Variants in C3orf85 observed in about 807,000 individuals in gnomAD.
The protein encoded by C3orf85 is chromosome 3 open reading frame 85, also known as uncharacterized protein C3orf85.
A neutral mutation model predicts 1.7 loss-of-function variants in C3orf85; 1 was observed. The ratio of observed to expected loss-of-function variants is 0.60; its 90% CI spans 0.21 to 2.86. The LOEUF (loss-of-function observed/expected upper bound fraction) is 2.86. C3orf85 is among the 30% of genes most tolerant of loss of function. The pLI is 0.22. For missense variants in C3orf85, 29 were observed against 21.3 expected (o/e 1.36, Z -0.72); for synonymous variants, 17 against 8.0 (o/e 2.13, Z -1.90).
At chr3:109,145,814 T>A (rs1259639663) in intron 2 of C3orf85, among the ~76,000 whole-genome samples, 1 of 152,188 alleles carries the variant, frequency 6.6e-6, no homozygotes, top group Non-Finnish European at 1.5e-5. Flanking sequence ...TCTGACCACA[T>A]CTACACCACA....
chr3:109,148,429 TTAAA>T, intron 3 of C3orf85, 43 bp downstream of exon 3: 2 of 701,948 alleles, frequency 2.8e-6, no homozygotes, highest in South Asian at 3.0e-5. Context: ...ATTTATCTTT[TTAAA>T]TAGTCATTGC....
chr3:109,137,637 G>GTGTGTATATATATATATATATATATA (rs751674362), intron 2 of C3orf85, among the ~76,000 whole-genome samples: 23 of 79,896 alleles, frequency 2.9e-4, no homozygotes, highest in East Asian at 8.9e-4. Context: ...GTGTGTGTGT[G>GTGTGTATATATATATATATATATATA]TATATATATA....
At chr3:109,147,054 C>T (rs1345629928) in intron 2 of C3orf85, among the ~76,000 whole-genome samples, 2 of 152,104 alleles carry the variant, frequency 1.3e-5, no homozygotes, top group Admixed American at 6.5e-5. Flanking sequence ...GATACTGAAA[C>T]ACATCATTCC....
rs1706866255 is a variant in C3orf85, at chr3:109,151,335, A to G, written c.*1441A>G. 6.6e-6 allele frequency among the ~76,000 whole-genome samples: 1 copy of G among 152,222 alleles called. No individual in the cohort carries two copies. The highest frequency in any genetic ancestry group is 2.1e-4 in the South Asian group (1 of 4,836). On this transcript the variant is annotated 3_prime_UTR_variant, in exon 4 of 4. Coordinates refer to ENST00000622536, the MANE Select transcript of C3orf85 (RefSeq NM_001351622.2). ...TCTCCAGAGAAACAGAACCAATAGG[A>G]TATGTATATATAGAGATGCTCCTCA...
In C3orf85 at chr3:109,140,404, G is replaced by T. The variant is rs555762567; in HGVS notation, c.49+3508G>T. On this transcript the variant is annotated intron_variant, in intron 2 of 3. Transcript: ENST00000622536. ...AGGTTCCTACACAGGAACAGGAAGG[G>T]CCAGGCCCCTCCCCGCTGCAAACGG... Among the ~76,000 whole-genome samples the T allele has an allele frequency of 6.0e-4, 91 of 152,232 alleles. 3 individuals carry two copies. The South Asian group carries it at 0.019, about 32-fold the overall frequency.
At chr3:109,137,070 CTGTGTGTG>C (rs3054419) in intron 2 of C3orf85, among the ~76,000 whole-genome samples, 174 bp downstream of exon 2, 11 of 149,776 alleles carry the variant, frequency 7.3e-5, no homozygotes, top group South Asian at 6.4e-4. Flanking sequence ...TTAATGTTAA[CTGTGTGTG>C]TGTGTGTGTG....
rs1417164199 is a variant in C3orf85, at chr3:109,151,081, T to A, written c.*1187T>A. 6.6e-6 allele frequency among the ~76,000 whole-genome samples: 1 copy of A among 152,212 alleles called. No homozygotes were observed. Among genetic ancestry groups the A allele is most frequent in the Non-Finnish European group, 1.5e-5 (1 of 68,032 alleles). On this transcript the variant is annotated 3_prime_UTR_variant, in exon 4 of 4. Transcript: ENST00000622536. Reference sequence around the variant, plus strand: ...AGAAATTTAAGGCTAATTTATAACTTATTAAGTTAACTGCTATCCATTTCC... The same window carrying A: ...AGAAATTTAAGGCTAATTTATAACTAATTAAGTTAACTGCTATCCATTTCC...
intron 2 of C3orf85, among the ~76,000 whole-genome samples, chr3:109,137,967 G>T (rs1034201726): frequency 2.6e-5 from 4 of 152,058 alleles, no homozygotes; most frequent in African/African-American, 9.7e-5. Context: ...ACTGATCCGT[G>T]CAGTTGACTT....
chr3:109,138,271 T>C (rs1706702849), intron 2 of C3orf85, among the ~76,000 whole-genome samples: 1 of 152,168 alleles, frequency 6.6e-6, no homozygotes, highest in African/African-American at 2.4e-5. Context: ...AACTAGAAAC[T>C]AAGGACAGAG....
intron 2 of C3orf85, among the ~76,000 whole-genome samples, chr3:109,143,452 C>T (rs1706762777): frequency 6.6e-6 from 1 of 152,134 alleles, no homozygotes; most frequent in East Asian, 1.9e-4. Context: ...GTACTCCCCA[C>T]TTTGTTCATA....
At chr3:109,138,726 AAT>A (rs770316394) in intron 2 of C3orf85, among the ~76,000 whole-genome samples, 1 of 152,164 alleles carries the variant, frequency 6.6e-6, no homozygotes, top group Non-Finnish European at 1.5e-5. Flanking sequence ...TTATCCAAGT[AAT>A]TAAATTTATG....
At position 109,150,810 on chromosome 3, in the gene C3orf85, G is replaced by T. The variant is rs1315875881; in HGVS notation, c.*916G>T. On this transcript the variant is annotated 3_prime_UTR_variant, in exon 4 of 4. Transcript: ENST00000622536. ...CCATTCTCTATTCTCTATTTTAGTT[G>T]TTCTCTCGAACAATTTATTTTTACC... Among the ~76,000 whole-genome samples the T allele has an allele frequency of 6.6e-6, 1 of 152,072 alleles. No homozygotes were observed.
chr3:109,145,281 A>T lies in C3orf85; in HGVS notation c.50-2972A>T, dbSNP rs144908994. On this transcript the variant is annotated intron_variant, in intron 2 of 3. Transcript: ENST00000622536. Reference sequence around the variant, plus strand: ...ATATATACATATATATTAAATACATAAAGTATTACTCAGTCTTAAAAAAGG... The same window carrying T: ...ATATATACATATATATTAAATACATTAAGTATTACTCAGTCTTAAAAAAGG... Among the ~76,000 whole-genome samples the T allele has an allele frequency of 8.0e-4, 122 of 152,346 alleles. 3 individuals are homozygous for T. Among genetic ancestry groups the T allele is most frequent in the African/African-American group, 2.8e-3 (116 of 41,578 alleles).
intron 3 of C3orf85, chr3:109,149,013 G>C (rs990558147): frequency 3.9e-5 from 6 of 151,926 alleles, no homozygotes; most frequent in Non-Finnish European, 8.8e-5. Context: ...AATTTGCATT[G>C]GCCTTTTTTA....
At chr3:109,140,664 G>A (rs141133769) in intron 2 of C3orf85, among the ~76,000 whole-genome samples, 2 of 152,264 alleles carry the variant, frequency 1.3e-5, no homozygotes, top group African/African-American at 4.8e-5. Context: ...AGTCACTATT[G>A]AATCAAATAC....
In C3orf85 at chr3:109,137,774, A is replaced by G. The variant is rs561748615; in HGVS notation, c.49+878A>G. On this transcript the variant is annotated intron_variant, in intron 2 of 3. Coordinates refer to ENST00000622536, the MANE Select transcript of C3orf85 (RefSeq NM_001351622.2). ...TCATGTTTAAATATGTGATTGAAACATTTTTAGCCAAGTTATTATTAAGCA... is the reference window on the plus strand; with the variant it reads ...TCATGTTTAAATATGTGATTGAAACGTTTTTAGCCAAGTTATTATTAAGCA... Among the ~76,000 whole-genome samples the G allele has an allele frequency of 7.6e-4, 115 of 151,694 alleles. 1 individual carries two copies. Among genetic ancestry groups the G allele is most frequent in the African/African-American group, 2.6e-3 (106 of 41,406 alleles).
intron 3 of C3orf85, 150 bp downstream of exon 3, chr3:109,148,536 A>G (rs1328298528): frequency 3.4e-6 from 2 of 594,630 alleles, no homozygotes; most frequent in Non-Finnish European, 6.0e-6. Context: ...TTGCCCATGA[A>G]GTGGTTTTTG....
At chr3:109,143,518 C>A (rs750675795) in intron 2 of C3orf85, among the ~76,000 whole-genome samples, 1 of 152,120 alleles carries the variant, frequency 6.6e-6, no homozygotes, top group Non-Finnish European at 1.5e-5. Flanking sequence ...CTACTCTGAC[C>A]TTTCTTTCAC....
At chr3:109,149,375 T>C (rs939213640) in intron 3 of C3orf85, 3 of 152,194 alleles carry the variant, frequency 2.0e-5, no homozygotes, top group African/African-American at 7.3e-5. Flanking sequence ...AACTGAATAA[T>C]GCATCCAGTT....
Sources: gnomAD v4.1 joint callset for allele counts (sites outside exome capture counted in the v4.1 genomes callset) on GRCh38, gnomAD v4.1.1 for gene constraint, MANE v1.5 for transcripts, NCBI Gene and HGNC (gene_info 2026-07-23, HGNC 2026-07-21) for gene names.